ARHGEF10: variants seen among roughly 807,000 people sequenced by gnomAD.
The protein encoded by ARHGEF10 is Rho guanine nucleotide exchange factor (GEF) 10.
Under a neutral mutation model 147.4 loss-of-function variants are expected in ARHGEF10, and 140 were observed. The ratio of observed to expected loss-of-function variants is 0.95; its 90% CI spans 0.83 to 1.09. The LOEUF is 1.09. ARHGEF10 is among the 50% of genes least tolerant of loss of function. The pLI, the probability that ARHGEF10 is intolerant of heterozygous loss-of-function variation, is 0.00. For missense variants in ARHGEF10, 2,222 were observed against 1,752.7 expected, an observed-to-expected ratio of 1.27 and a Z score of -4.78; for synonymous variants, 902 against 695.8, an observed-to-expected ratio of 1.30 and a Z score of -4.67.
At position 1,957,130 on chromosome 8, in the gene ARHGEF10, C is replaced by T. The variant is rs1248031400; in HGVS notation, c.3902C>T (p.Ala1301Val). The change falls in exon 29 of 29, where the codon GCC becomes GTC. Residue 1301 changes from alanine (A) to valine (V), a missense_variant. Transcript: ENST00000349830. ...AGCAAAGCACGCCGGGCCAAGAAAG[C>T]CAAGGCCAGCTCGGCGCTGGTGGTC... ...LRSKARRAKK[A>V]KASSALVVCG... is the part of the protein sequence containing the mutation. 40 of 1,612,894 alleles carry T rather than the reference C, an allele frequency of 2.5e-5. No homozygotes were observed. The highest frequency in any genetic ancestry group is 3.2e-5 in the Non-Finnish European group (38 of 1,180,052).
At chr8:1,880,641 C>T (rs3779698) in intron 9 of ARHGEF10, among the ~76,000 whole-genome samples, 19,067 of 152,048 alleles carry the variant, frequency 0.13, 1,513 homozygotes, top group South Asian at 0.28. Context: ...GCCATTTGGG[C>T]TCTCCATAAT....
At chr8:1,874,473 G>A (rs3735869) in intron 7 of ARHGEF10, among the ~76,000 whole-genome samples, 40,281 of 152,216 alleles carry the variant, frequency 0.26, 6,138 homozygotes, top group East Asian at 0.38. Flanking sequence ...GGTAACATGT[G>A]TGAAAACCAT....
At chr8:1,876,851 G>A (rs1807753214) in intron 8 of ARHGEF10, 117 bp downstream of exon 8, 1 of 1,176,562 alleles carries the variant, frequency 8.5e-7, no homozygotes, top group East Asian at 2.4e-5. Context: ...ATGCTGATAA[G>A]TAGTTTGGGG....
intron 27 of ARHGEF10, chr8:1,946,069 G>A: frequency 5.7e-6 from 2 of 353,396 alleles, no homozygotes; most frequent in Admixed American, 8.1e-5. Context: ...GAGGCCAACA[G>A]AGGCCTATGT....
chr8:1,936,995 C>G (rs1308629133), intron 26 of ARHGEF10, among the ~76,000 whole-genome samples: 1 of 152,120 alleles, frequency 6.6e-6, no homozygotes, highest in Non-Finnish European at 1.5e-5. Flanking sequence ...GACCTGGGTC[C>G]TGAGCCTCCT....
intron 4 of ARHGEF10, among the ~76,000 whole-genome samples, chr8:1,860,453 C>G (rs182601908): frequency 6.7e-6 from 1 of 148,866 alleles, no homozygotes; most frequent in Admixed American, 6.6e-5. Context: ...TGGGCCTGAC[C>G]TTCCCTCCTC....
intron 15 of ARHGEF10, among the ~76,000 whole-genome samples, chr8:1,900,006 C>G (rs1007046915): frequency 2.0e-5 from 3 of 152,190 alleles, no homozygotes; most frequent in Non-Finnish European, 4.4e-5. Context: ...CGTTCTTGGT[C>G]GCCAGGGACG....
At chr8:1,839,550 G>GTA (rs1803827478) in intron 1 of ARHGEF10, among the ~76,000 whole-genome samples, 2 of 128,930 alleles carry the variant, frequency 1.6e-5, no homozygotes, top group African/African-American at 3.1e-5. Flanking sequence ...TGGTGTGGAA[G>GTA]CTGTCTGGTG....
chr8:1,879,937 A>C, intron 8 of ARHGEF10, 111 bp from the exon 9 acceptor site: 25 of 803,576 alleles, frequency 3.1e-5, no homozygotes, highest in Non-Finnish European at 5.0e-5. Context: ...CCCAGCCAGG[A>C]CAGGCCTGAT....
At position 1,840,880 on chromosome 8, in the gene ARHGEF10, G is replaced by T. The variant is rs1002836707; in HGVS notation, c.-47-2473G>T. Reference sequence around the variant, plus strand: ...CACGGGTGCTGCTGGGGTGGAGAGGGTGGGCCCCTACCGCCTCACGGGTGC... The same window carrying T: ...CACGGGTGCTGCTGGGGTGGAGAGGTTGGGCCCCTACCGCCTCACGGGTGC... On this transcript the variant is annotated intron_variant, in intron 1 of 28. Transcript: ENST00000349830. Among the ~76,000 whole-genome samples, 3 of 152,254 alleles carry T rather than the reference G, an allele frequency of 2.0e-5. No individual in the cohort carries two copies. In the South Asian group the frequency reaches 6.2e-4, roughly 32 times the overall value.
chr8:1,923,506 T>A lies in ARHGEF10; in HGVS notation c.2298T>A (p.Gly766=). Residue 766 remains glycine (G), a synonymous_variant, in exon 20 of 29, where the codon GGT becomes GGA. Coordinates refer to ENST00000349830, the MANE Select transcript of ARHGEF10 (RefSeq NM_014629.4). ...NQSVAHDWTS[G]LQRLILKKED... is the part of the protein sequence containing the mutation. ...CAGTAGCCCATGACTGGACATCAGG[T>A]TTACAAAGGCTTATTTTGAAGAAAG... The A allele has an allele frequency of 1.2e-6, 2 of 1,614,086 alleles. No homozygotes were observed. The highest frequency in any genetic ancestry group is 1.7e-6 in the Non-Finnish European group (2 of 1,180,024).
chr8:1,867,904 G>C (rs1806759647), intron 6 of ARHGEF10, among the ~76,000 whole-genome samples: 1 of 152,192 alleles, frequency 6.6e-6, no homozygotes, highest in South Asian at 2.1e-4. Context: ...AAAGATCTTA[G>C]TGTAATTAGA....
At chr8:1,893,757 A>G (rs1809741644) in intron 12 of ARHGEF10, 111 bp downstream of exon 12, 1 of 864,828 alleles carries the variant, frequency 1.2e-6, no homozygotes, top group Non-Finnish European at 1.9e-6. Flanking sequence ...ATAACATGCA[A>G]ATTTGCAAAA....
rs543801909 is a variant in ARHGEF10 at position 1,919,689 on chromosome 8, C to G, written c.2144-3275C>G. Reference sequence around the variant, plus strand: ...ATGGAGCTGTTCTATGGGTGATGAGCTGTTTTGTGGGTGATGGAGCTGTTC... The same window carrying G: ...ATGGAGCTGTTCTATGGGTGATGAGGTGTTTTGTGGGTGATGGAGCTGTTC... On this transcript the variant is annotated intron_variant, in intron 18 of 28. Coordinates refer to ENST00000349830, the MANE Select transcript of ARHGEF10 (RefSeq NM_014629.4). 1.4e-3 allele frequency among the ~76,000 whole-genome samples: 176 copies of G among 127,516 alleles called. 1 individual carries two copies. The highest frequency in any genetic ancestry group is 2.4e-3 in the Non-Finnish European group (148 of 62,126). 83.7% of individuals were successfully genotyped at this position (127,516 alleles called of 152,430 possible).
chr8:1,885,821 A>C (rs903847983), intron 11 of ARHGEF10, 114 bp downstream of exon 11: 1 of 855,652 alleles, frequency 1.2e-6, no homozygotes, highest in Non-Finnish European at 1.9e-6. Flanking sequence ...CTCTGCATCC[A>C]CTCGGGCCCT....
At chr8:1,929,043 T>C (rs1285068964) in intron 24 of ARHGEF10, among the ~76,000 whole-genome samples, 1 of 152,200 alleles carries the variant, frequency 6.6e-6, no homozygotes, top group East Asian at 1.9e-4. Flanking sequence ...ATTTTCCTGA[T>C]GTGAAGTTCC....
In ARHGEF10 at chr8:1,869,225, A is replaced by C. The variant is rs775426706; in HGVS notation, c.654A>C (p.Pro218=). 1 of 1,614,116 alleles carries C rather than the reference A, an allele frequency of 6.2e-7. No homozygotes were observed. The highest frequency in any genetic ancestry group is 2.2e-5 in the East Asian group (1 of 44,880). Residue 218 remains proline, a synonymous_variant, in exon 7 of 29, where the codon CCA becomes CCC. Transcript: ENST00000349830. Reference sequence around the variant, plus strand: ...AGGAAGCAATTTACGATGACGTTCCAAGGGAAAACTCAGACTCTGAACCAG... The same window carrying C: ...AGGAAGCAATTTACGATGACGTTCCCAGGGAAAACTCAGACTCTGAACCAG... ...NPEEAIYDDV[P]RENSDSEPDE...
At chr8:1,872,451 G>A (rs560254930) in intron 7 of ARHGEF10, among the ~76,000 whole-genome samples, 16 of 152,312 alleles carry the variant, frequency 1.1e-4, no homozygotes, top group Non-Finnish European at 1.5e-5. Flanking sequence ...CCTCACCTGC[G>A]AAGGTTGATG....
At chr8:1,954,703 T>G (rs535891045) in intron 28 of ARHGEF10, among the ~76,000 whole-genome samples, 1 of 152,338 alleles carries the variant, frequency 6.6e-6, no homozygotes, top group East Asian at 1.9e-4. Flanking sequence ...ATGATGATGC[T>G]GAGTTTTACG....
Sources: gnomAD v4.1 joint callset for allele counts (sites outside exome capture counted in the v4.1 genomes callset) on GRCh38, gnomAD v4.1.1 for gene constraint, MANE v1.5 for transcripts, NCBI Gene and HGNC (gene_info 2026-07-23, HGNC 2026-07-21) for gene names.